Variants in PLCH2 observed in about 807,000 individuals in gnomAD.
PLCH2 encodes the protein phospholipase C eta 2.
Under a neutral mutation model 134.7 loss-of-function variants are expected in PLCH2, and 98 were observed. The observed-to-expected ratio is 0.73, with a 90% CI of 0.62 to 0.86. The LOEUF (loss-of-function observed/expected upper bound fraction) is 0.86, where lower values mean the gene tolerates loss of function less well. Among genes scored for constraint, PLCH2 ranks in the 40% least tolerant of loss-of-function variants. PLCH2 has a pLI of 0.00. For synonymous variants in PLCH2, 974 were observed against 827.5 expected, an observed-to-expected ratio of 1.18 and a Z score of -3.04; for missense variants, 1,994 against 1,986.6, an observed-to-expected ratio of 1.00 and a Z score of -0.07.
intron 4 of PLCH2, among the ~76,000 whole-genome samples, chr1:2,481,522 A>G (rs1408827638): frequency 6.6e-6 from 1 of 152,360 alleles, no homozygotes; most frequent in East Asian, 1.9e-4. Flanking sequence ...TGCAGGCTCC[A>G]GAGTGGCCTC....
chr1:2,491,155 G>A, intron 10 of PLCH2, 37 bp from the exon 11 acceptor site: 1 of 1,596,628 alleles, frequency 6.3e-7, no homozygotes, highest in Non-Finnish European at 8.5e-7. Flanking sequence ...GCAGGGCTCG[G>A]GACAGATGCC....
chr1:2,457,384 G>A (rs12078416), intron 2 of PLCH2, among the ~76,000 whole-genome samples: 28,770 of 152,078 alleles, frequency 0.19, 3,537 homozygotes, highest in African/African-American at 0.34. Context: ...TGCTCCCAGT[G>A]GCCTCGTGGC....
chr1:2,476,580 C>T lies in PLCH2; in HGVS notation c.-9C>T, dbSNP rs752632317. The stretch of plus-strand genomic sequence containing the variant: ...GCCTCCGTGAAGCAGGCCCGGCTGT[C>T]GTCAGGCCATGTCTGGTCCATGGCC... On this transcript the variant is annotated 5_prime_UTR_variant, in exon 1 of 22. Transcript: ENST00000378486. 108 of 1,518,018 alleles carry T rather than the reference C, an allele frequency of 7.1e-5. No individual in the cohort carries two copies. The highest frequency in any genetic ancestry group is 9.1e-5 in the Admixed American group (4 of 44,014). The allele number at this position is 1,518,018 out of a possible 1,614,324, so 94.0% of individuals were successfully genotyped here. A position where few individuals can be genotyped will look rare whatever the true frequency, so the allele number is the denominator to read the frequency against.
At chr1:2,465,421 G>A (rs1340718180), upstream of PLCH2, among the ~76,000 whole-genome samples, 1 of 152,146 alleles carries the variant, frequency 6.6e-6, no homozygotes, top group Non-Finnish European at 1.5e-5. Flanking sequence ...TCCCAGCTGT[G>A]CCGGCCCATG....
intron 13 of PLCH2, 62 bp from the exon 14 acceptor site, chr1:2,496,545 C>T (rs1193281633): frequency 1.6e-5 from 22 of 1,381,238 alleles, no homozygotes; most frequent in Admixed American, 5.8e-5. Context: ...GCCCGTCTCA[C>T]GGAGCTGGGT....
intron 2 of PLCH2, among the ~76,000 whole-genome samples, chr1:2,460,968 G>T (rs565434853): frequency 2.6e-5 from 4 of 152,196 alleles, no homozygotes; most frequent in East Asian, 1.9e-4. Context: ...GCCTGGTGGC[G>T]TGGGGGCTCA....
At chr1:2,451,777 C>G (rs1489287804) in intron 2 of PLCH2, among the ~76,000 whole-genome samples, 1 of 152,158 alleles carries the variant, frequency 6.6e-6, no homozygotes, top group African/African-American at 2.4e-5. Flanking sequence ...GGCCTGGGAC[C>G]CTAACGTGCT....
chr1:2,497,816 G>A lies in PLCH2; in HGVS notation c.2224+207G>A, dbSNP rs374841534. 1.1e-4 allele frequency: 60 copies of A among 530,160 alleles called. 1 individual carries two copies. The highest frequency in any genetic ancestry group is 6.9e-4 in the East Asian group (24 of 34,546). The allele number at this position is 530,160 out of a possible 1,614,324, so 32.8% of individuals were successfully genotyped here. ...CCCTCCTTGCTAGCGTTGCAAAGAA[G>A]GGCCCAGCTCCGTCAGGAATCCAGG... is the stretch of plus-strand genomic sequence containing the variant. On this transcript the variant is annotated intron_variant, in intron 16 of 21. Transcript: ENST00000378486.
chr1:2,436,464 TTTCCTCCTTCC>T, intron 2 of PLCH2, among the ~76,000 whole-genome samples: 1 of 40,530 alleles, frequency 2.5e-5, no homozygotes, highest in Non-Finnish European at 3.9e-5. Context: ...TCCCTCCACC[TTTCCTCCTTCC>T]TCCCTCCTCC....
intron 1 of PLCH2, among the ~76,000 whole-genome samples, chr1:2,426,898 A>G (rs1200774481): frequency 6.6e-6 from 1 of 152,150 alleles, no homozygotes; most frequent in African/African-American, 2.4e-5. Context: ...CCGGGGCCTT[A>G]GGTCTGTGTT....
At chr1:2,503,339 G>C (rs1570506596) in intron 21 of PLCH2, 1 of 578,292 alleles carries the variant, frequency 1.7e-6, no homozygotes, top group East Asian at 2.9e-5. Flanking sequence ...TCTAGGGCAG[G>C]CTCCAGGGGT....
intron 20 of PLCH2, chr1:2,500,835 GT>G (rs1643184238): frequency 5.3e-5 from 2 of 37,948 alleles, no homozygotes; most frequent in Non-Finnish European, 9.3e-5. Context: ...CCCTCCCTCA[GT>G]CCTCCCTCCC....
intron 2 of PLCH2, among the ~76,000 whole-genome samples, chr1:2,457,469 G>A (rs1160180062): frequency 6.6e-6 from 1 of 152,182 alleles, no homozygotes; most frequent in African/African-American, 2.4e-5. Context: ...TTCCCCAGCC[G>A]CCTGCTCCCC....
intron 2 of PLCH2, among the ~76,000 whole-genome samples, 192 bp downstream of exon 2, chr1:2,478,814 G>T (rs1051789310): frequency 6.6e-6 from 1 of 152,128 alleles, no homozygotes; most frequent in Non-Finnish European, 1.5e-5. Context: ...CCCCCTGCCC[G>T]CCTGGCAGAG....
chr1:2,460,969 T>C (rs531147873), intron 2 of PLCH2, among the ~76,000 whole-genome samples: 1 of 152,264 alleles, frequency 6.6e-6, no homozygotes. Flanking sequence ...CCTGGTGGCG[T>C]GGGGGCTCAG....
At chr1:2,456,199 C>A (rs553063968) in intron 2 of PLCH2, among the ~76,000 whole-genome samples, 35 of 152,292 alleles carry the variant, frequency 2.3e-4, no homozygotes, top group Non-Finnish European at 4.0e-4. Context: ...ACCAAGCCGC[C>A]AGCACCAGAT....
chr1:2,456,573 C>T (rs760833062), intron 2 of PLCH2, among the ~76,000 whole-genome samples: 2 of 152,226 alleles, frequency 1.3e-5, no homozygotes, highest in East Asian at 1.9e-4. Context: ...CCCCCGCCCC[C>T]GGCAGACCCG....
chr1:2,459,458 T>C lies in PLCH2; in HGVS notation c.116-19018T>C, dbSNP rs1185872486. ...CCTCCTTGCCGGTGGTCCTCCTTCC[T>C]GGTGGTTCTCCTTCCTGGTGGTCCT... is the stretch of plus-strand genomic sequence containing the variant. On this transcript the variant is annotated intron_variant, in intron 2 of 3. Transcript: ENST00000609981. Among the ~76,000 whole-genome samples the C allele has an allele frequency of 1.7e-3, 86 of 49,930 alleles. 16 individuals carry two copies. The highest frequency in any genetic ancestry group is 6.0e-3 in the South Asian group (5 of 828). The allele number at this position is 49,930 out of a possible 152,430, so 32.8% of individuals were successfully genotyped here.
chr1:2,501,197 G>C (rs1287215375), intron 20 of PLCH2: 1 of 152,070 alleles, frequency 6.6e-6, no homozygotes, highest in African/African-American at 2.4e-5. Flanking sequence ...CTGCAGGGGG[G>C]TGACCCACCT....
Sources: allele counts gnomAD v4.1 joint callset (sites outside exome capture counted in the v4.1 genomes callset), GRCh38; gene constraint gnomAD v4.1.1; transcripts MANE v1.5; gene names NCBI Gene and HGNC (gene_info 2026-07-23, HGNC 2026-07-21).